Variants in VSTM2B observed in about 807,000 individuals in gnomAD.
The protein encoded by VSTM2B is V-set and transmembrane domain-containing protein 2B.
Under a neutral mutation model 24.0 loss-of-function variants are expected in VSTM2B, and 24 were observed. That is an observed-to-expected ratio of 1.00 (90% CI 0.72 to 1.40). The LOEUF is 1.40. Ranked by LOEUF, VSTM2B falls within the 40% of genes most tolerant of loss-of-function variation. The pLI is 0.00. For synonymous variants in VSTM2B, 226 were observed against 194.4 expected, an observed-to-expected ratio of 1.16 and a Z score of -1.35; for missense variants, 399 against 416.4, an observed-to-expected ratio of 0.96 and a Z score of 0.36.
At chr19:29,525,657 GGTAAGGA>G (rs1461535986), upstream of VSTM2B, 1 of 152,636 alleles carries the variant, frequency 6.6e-6, no homozygotes, top group Non-Finnish European at 1.5e-5. Context: ...CCCAAACTGG[GGTAAGGA>G]GTTGAGGGCT....
intron 4 of VSTM2B, among the ~76,000 whole-genome samples, 152 bp downstream of exon 4, chr19:29,530,442 C>A (rs897749936): frequency 2.1e-5 from 3 of 146,070 alleles, no homozygotes; most frequent in African/African-American, 7.4e-5. Context: ...AGCGCCCCCC[C>A]CAGGGCCTTC....
rs1969717028 is a variant in VSTM2B, at chr19:29,530,313, C to T, written c.769+23C>T. On this transcript the variant is annotated intron_variant, in intron 4 of 4. Coordinates refer to ENST00000335523, the MANE Select transcript of VSTM2B (RefSeq NM_001146339.2). ...CGGGTAAGGGATCGCGGAGAGGGGG[C>T]GCACGCGCGGGGATGGCGCAGGGCT... The T allele has an allele frequency of 5.4e-6, 8 of 1,475,214 alleles. No individual in the cohort carries two copies. The South Asian group carries it at 9.0e-5, about 17-fold the overall frequency. The allele number at this position is 1,475,214 out of a possible 1,614,324, so 91.4% of individuals were successfully genotyped here.
chr19:29,553,969 G>A (rs1472669750), intron 4 of VSTM2B, among the ~76,000 whole-genome samples: 2 of 152,086 alleles, frequency 1.3e-5, no homozygotes, highest in Admixed American at 1.3e-4. Flanking sequence ...GAAAGAGGTG[G>A]GGAGAACAGA....
chr19:29,534,922 A>T (rs912933458), intron 4 of VSTM2B, among the ~76,000 whole-genome samples: 2 of 151,834 alleles, frequency 1.3e-5, no homozygotes, highest in Admixed American at 1.3e-4. Context: ...GAGAGGGGGG[A>T]CTTCCTCCAG....
intron 4 of VSTM2B, among the ~76,000 whole-genome samples, chr19:29,541,275 G>A (rs1180898432): frequency 6.6e-6 from 1 of 152,142 alleles, no homozygotes; most frequent in African/African-American, 2.4e-5. Context: ...TGGAGAGGTG[G>A]GATGAATTTG....
intron 4 of VSTM2B, among the ~76,000 whole-genome samples, chr19:29,533,661 C>A (rs1969815459): frequency 6.6e-6 from 1 of 152,264 alleles, no homozygotes; most frequent in Admixed American, 6.5e-5. Flanking sequence ...GGGAACCATG[C>A]TCAGTCTTGT....
intron 4 of VSTM2B, among the ~76,000 whole-genome samples, chr19:29,543,074 G>C (rs1437038386): frequency 6.6e-6 from 1 of 152,122 alleles, no homozygotes; most frequent in Non-Finnish European, 1.5e-5. Flanking sequence ...CTGGGCACTG[G>C]GTACTCTGGT....
Position 29,564,160 on chromosome 19 carries a change from G to T in VSTM2B, c.*226G>T. 2.1e-6 allele frequency: 1 copy of T among 471,748 alleles called. No homozygotes were observed. Among genetic ancestry groups the T allele is most frequent in the South Asian group, 2.5e-5 (1 of 39,856 alleles). The allele number at this position is 471,748 out of a possible 1,614,324, so 29.2% of individuals were successfully genotyped here. A position where few individuals can be genotyped will look rare whatever the true frequency, so the allele number is the denominator to read the frequency against. On this transcript the variant is annotated 3_prime_UTR_variant, in exon 5 of 5. Transcript: ENST00000335523. ...GGAGTTTGGCCCATGCAGTCTGCATGGGAATCAATGATTTCTCTACTTCAA... is the reference window on the plus strand; with the variant it reads ...GGAGTTTGGCCCATGCAGTCTGCATTGGAATCAATGATTTCTCTACTTCAA...
chr19:29,555,961 C>G (rs1330832241), intron 4 of VSTM2B, among the ~76,000 whole-genome samples: 1 of 152,144 alleles, frequency 6.6e-6, no homozygotes, highest in African/African-American at 2.4e-5. Context: ...GGATTTACAG[C>G]TGAATTCTAC....
intron 4 of VSTM2B, among the ~76,000 whole-genome samples, chr19:29,553,688 G>C (rs1970338563): frequency 1.3e-5 from 2 of 152,118 alleles, no homozygotes; most frequent in African/African-American, 4.8e-5. Context: ...AAACATTACA[G>C]GAGCTGTTAA....
chr19:29,560,375 G>C (rs1057398105), intron 4 of VSTM2B, among the ~76,000 whole-genome samples: 2 of 152,140 alleles, frequency 1.3e-5, no homozygotes, highest in Admixed American at 1.3e-4. Context: ...CATTTTATGA[G>C]GTAAAGAATG....
At chr19:29,528,950 G>A (rs1430874403) in intron 3 of VSTM2B, 2 of 985,344 alleles carry the variant, frequency 2.0e-6, no homozygotes, top group African/African-American at 1.7e-5. Flanking sequence ...AGGCTTGCAG[G>A]GGACGGGGTA....
At chr19:29,545,795 T>C (rs1970139672) in intron 4 of VSTM2B, among the ~76,000 whole-genome samples, 1 of 152,190 alleles carries the variant, frequency 6.6e-6, no homozygotes, top group African/African-American at 2.4e-5. Context: ...ATGATGAACA[T>C]ACAGGTGCAG....
chr19:29,530,483 C>T (rs957404495), intron 4 of VSTM2B, among the ~76,000 whole-genome samples, 193 bp downstream of exon 4: 2 of 152,200 alleles, frequency 1.3e-5, no homozygotes, highest in African/African-American at 4.8e-5. Flanking sequence ...TTACTCCTGG[C>T]CTCTGGAAGC....
At chr19:29,544,525 CAAAAAAAAAAAA>C (rs58540469) in intron 4 of VSTM2B, among the ~76,000 whole-genome samples, 6 of 54,342 alleles carry the variant, frequency 1.1e-4, no homozygotes, top group Admixed American at 6.6e-4. Flanking sequence ...GACTCTGTCT[CAAAAAAAAAAAA>C]AAAAAAAAAA....
chr19:29,555,327 A>G (rs2145509053), intron 4 of VSTM2B, among the ~76,000 whole-genome samples: 1 of 152,324 alleles, frequency 6.6e-6, no homozygotes, highest in East Asian at 1.9e-4. Flanking sequence ...TAATGAAATT[A>G]AGACAGAAAT....
chr19:29,530,010 G>A lies in VSTM2B; in HGVS notation c.489G>A (p.Val163=). 1.3e-6 allele frequency: 2 copies of A among 1,540,120 alleles called. No individual in the cohort carries two copies. Among genetic ancestry groups the A allele is most frequent in the South Asian group, 1.2e-5 (1 of 83,914 alleles). ...APPNMQAAEA[V]SHIQSSGPRR... Reference sequence around the variant, plus strand: ...CCAACATGCAGGCCGCCGAGGCCGTGTCCCACATCCAGAGCAGCGGCCCGC... The same window carrying A: ...CCAACATGCAGGCCGCCGAGGCCGTATCCCACATCCAGAGCAGCGGCCCGC... Residue 163 remains valine (V), a synonymous_variant, in exon 4 of 5, where the codon GTG becomes GTA. Transcript: ENST00000335523.
intron 3 of VSTM2B, among the ~76,000 whole-genome samples, chr19:29,529,314 G>A (rs1969668632): frequency 6.6e-6 from 1 of 152,250 alleles, no homozygotes; most frequent in South Asian, 2.1e-4. Flanking sequence ...TCCGGTGACA[G>A]GGTGGCTTTC....
chr19:29,558,872 A>T lies in VSTM2B; in HGVS notation c.770-4974A>T, dbSNP rs955749187. 7.2e-5 allele frequency among the ~76,000 whole-genome samples: 11 copies of T among 152,324 alleles called. No homozygotes were observed. In the South Asian group the frequency reaches 1.0e-3, roughly 14 times the overall value. On this transcript the variant is annotated intron_variant, in intron 4 of 4. Coordinates refer to ENST00000335523, the MANE Select transcript of VSTM2B (RefSeq NM_001146339.2). ...AAGTGTCCCAATACTTGAAATAAAAATTTTTTTAAAAAGAAACATAAAAAT... is the reference window on the plus strand; with the variant it reads ...AAGTGTCCCAATACTTGAAATAAAATTTTTTTTAAAAAGAAACATAAAAAT...
Sources: allele counts gnomAD v4.1 joint callset (sites outside exome capture counted in the v4.1 genomes callset), GRCh38; gene constraint gnomAD v4.1.1; transcripts MANE v1.5; gene names NCBI Gene and HGNC (gene_info 2026-07-23, HGNC 2026-07-21).